SNX7: variants seen among roughly 807,000 people sequenced by gnomAD.
SNX7 encodes the protein sorting nexin 7.
In SNX7, 35 loss-of-function variants were observed where a neutral mutation model predicts 48.4. The ratio of observed to expected loss-of-function variants is 0.72; its 90% CI spans 0.55 to 0.96. The LOEUF is 0.96. Ranked by LOEUF, SNX7 falls within the 40% of genes least tolerant of loss-of-function variation. SNX7 has a pLI of 0.00. For synonymous variants in SNX7, 190 were observed against 190.2 expected, an observed-to-expected ratio of 1.00 and a Z score of 0.01; for missense variants, 553 against 548.9, an observed-to-expected ratio of 1.01 and a Z score of -0.07.
At chr1:98,705,515 A>G (rs1429543145) in intron 7 of SNX7, among the ~76,000 whole-genome samples, 1 of 152,228 alleles carries the variant, frequency 6.6e-6, no homozygotes, top group African/African-American at 2.4e-5. Flanking sequence ...AGCACTCAGT[A>G]GCTTTTAGCT....
chr1:98,758,229 T>C (rs990709182), intron 8 of SNX7, among the ~76,000 whole-genome samples: 1 of 152,060 alleles, frequency 6.6e-6, no homozygotes, highest in Non-Finnish European at 1.5e-5. Flanking sequence ...TTGAAAAATA[T>C]ACTAAATGTG....
chr1:98,731,622 C>A (rs976056687), intron 7 of SNX7, among the ~76,000 whole-genome samples: 2 of 152,060 alleles, frequency 1.3e-5, no homozygotes, highest in Non-Finnish European at 2.9e-5. Context: ...ACTTACACAG[C>A]CTTGAGATGT....
At chr1:98,665,368 G>A (rs142675185) in intron 1 of SNX7, among the ~76,000 whole-genome samples, 86 of 152,042 alleles carry the variant, frequency 5.7e-4, no homozygotes, top group African/African-American at 1.9e-3. Context: ...GGAAGGTAGC[G>A]AACAGTAGGT....
At chr1:98,705,237 C>T (rs554659495) in intron 7 of SNX7, among the ~76,000 whole-genome samples, 1 of 152,188 alleles carries the variant, frequency 6.6e-6, no homozygotes, top group South Asian at 2.1e-4. Context: ...TTCAAAATTA[C>T]CTAAGTCAGT....
At chr1:98,690,377 G>A (rs1651052101) in intron 2 of SNX7, among the ~76,000 whole-genome samples, 1 of 152,018 alleles carries the variant, frequency 6.6e-6, no homozygotes, top group Admixed American at 6.6e-5. Context: ...CTTGTCATAT[G>A]TGTTGGCATG....
Position 98,675,774 on chromosome 1 carries a change from C to G in SNX7, c.181-9111C>G, listed in dbSNP as rs1650126704. ...CTGATTACACATTTATTTGGAAGCT[C>G]TAAATTCTGGTTTTAATGGCTGCTT... On this transcript the variant is annotated intron_variant, in intron 1 of 8. Transcript: ENST00000306121. 1.3e-5 allele frequency among the ~76,000 whole-genome samples: 2 copies of G among 152,112 alleles called. 1 individual carries two copies. Among genetic ancestry groups the G allele is most frequent in the South Asian group, 4.1e-4 (2 of 4,828 alleles).
At position 98,752,095 on chromosome 1, in the gene SNX7, C is replaced by G. The variant is rs558593048; in HGVS notation, c.1279-7959C>G. Among the ~76,000 whole-genome samples the G allele has an allele frequency of 4.6e-5, 7 of 152,176 alleles. No homozygotes were observed. The South Asian group carries it at 1.2e-3, about 27-fold the overall frequency. ...CAAATAGAAACATGTTTTAAAAATA[C>G]TAACTTATAAGCAAGTCTCACACCA... On this transcript the variant is annotated intron_variant, in intron 8 of 8. Coordinates refer to ENST00000306121, the MANE Select transcript of SNX7 (RefSeq NM_015976.5).
At chr1:98,730,268 TAGG>T (rs1557826894) in intron 7 of SNX7, among the ~76,000 whole-genome samples, 1 of 151,932 alleles carries the variant, frequency 6.6e-6, no homozygotes, top group Non-Finnish European at 1.5e-5. Context: ...CTCAAAATAA[TAGG>T]AGCCGTTTAT....
chr1:98,691,047 T>C, intron 2 of SNX7, 28 bp from the exon 3 acceptor site: 1 of 1,459,642 alleles, frequency 6.9e-7, no homozygotes, highest in South Asian at 1.2e-5. Context: ...ATATTGCATG[T>C]GCTGTTATTT....
chr1:98,668,301 T>C (rs928655141), intron 1 of SNX7, among the ~76,000 whole-genome samples: 9 of 152,198 alleles, frequency 5.9e-5, no homozygotes, highest in African/African-American at 2.2e-4. Flanking sequence ...TTCAAGGTCA[T>C]ATAGGGTATT....
At chr1:98,679,552 C>G (rs1283784185) in intron 1 of SNX7, among the ~76,000 whole-genome samples, 1 of 152,160 alleles carries the variant, frequency 6.6e-6, no homozygotes, top group African/African-American at 2.4e-5. Flanking sequence ...TCCCTTCCAC[C>G]TATGAGCTTC....
At chr1:98,663,625 T>A (rs1649388565) in intron 1 of SNX7, among the ~76,000 whole-genome samples, 1 of 152,190 alleles carries the variant, frequency 6.6e-6, no homozygotes, top group African/African-American at 2.4e-5. Context: ...CATTTCTAAA[T>A]AAGCATTTCT....
At chr1:98,722,859 T>C (rs902461797) in intron 7 of SNX7, among the ~76,000 whole-genome samples, 1 of 152,190 alleles carries the variant, frequency 6.6e-6, no homozygotes, top group African/African-American at 2.4e-5. Context: ...ATGTTGGTGA[T>C]ATATCTTTAC....
At chr1:98,729,194 G>A (rs1431205972) in intron 7 of SNX7, among the ~76,000 whole-genome samples, 1 of 151,996 alleles carries the variant, frequency 6.6e-6, no homozygotes, top group Non-Finnish European at 1.5e-5. Flanking sequence ...ATTGACTCCT[G>A]GATAAATAAT....
intron 6 of SNX7, among the ~76,000 whole-genome samples, chr1:98,700,788 TG>T (rs1651708899): frequency 6.6e-6 from 1 of 152,114 alleles, no homozygotes; most frequent in African/African-American, 2.4e-5. Context: ...TAATGCTTTT[TG>T]GTTATCATTT....
intron 1 of SNX7, among the ~76,000 whole-genome samples, chr1:98,673,254 C>T (rs1196421034): frequency 2.0e-5 from 3 of 152,134 alleles, no homozygotes; most frequent in South Asian, 4.1e-4. Flanking sequence ...AGCCATATGT[C>T]TTCTTTCTGT....
chr1:98,752,503 G>GA (rs1654635489), intron 8 of SNX7, among the ~76,000 whole-genome samples: 1 of 151,944 alleles, frequency 6.6e-6, no homozygotes, highest in Non-Finnish European at 1.5e-5. Flanking sequence ...TACAGGCCTA[G>GA]AAAAAAACCA....
At chr1:98,674,711 T>A (rs1650063986) in intron 1 of SNX7, among the ~76,000 whole-genome samples, 1 of 152,228 alleles carries the variant, frequency 6.6e-6, no homozygotes, top group African/African-American at 2.4e-5. Context: ...TTTGTGATTT[T>A]TGCAATAAAT....
At chr1:98,677,090 G>GA (rs1389510437) in intron 1 of SNX7, among the ~76,000 whole-genome samples, 4 of 152,158 alleles carry the variant, frequency 2.6e-5, no homozygotes, top group Admixed American at 6.5e-5. Flanking sequence ...GTATCTAAAA[G>GA]AAAAAGTATA....
Sources: gnomAD v4.1 joint callset for allele counts (sites outside exome capture counted in the v4.1 genomes callset) on GRCh38, gnomAD v4.1.1 for gene constraint, MANE v1.5 for transcripts, NCBI Gene and HGNC (gene_info 2026-07-23, HGNC 2026-07-21) for gene names.